The following ATAD3A variants were observed in gnomAD, a reference collection of about 807,000 sequenced individuals.
ATAD3A encodes the protein ATPase family AAA domain-containing protein 3A.
ATAD3A carries 46 observed loss-of-function variants against 73.8 expected under a neutral mutation model. The observed-to-expected ratio is 0.62, with a 90% confidence interval of 0.49 to 0.80. The LOEUF (loss-of-function observed/expected upper bound fraction) is 0.80, where lower values mean the gene tolerates loss of function less well. Among genes scored for constraint, ATAD3A ranks in the 30% least tolerant of loss-of-function variants. The pLI is 0.00. For synonymous variants in ATAD3A, 319 were observed against 350.0 expected, an observed-to-expected ratio of 0.91 and a Z score of 0.99; for missense variants, 705 against 838.0, an observed-to-expected ratio of 0.84 and a Z score of 1.96.
At chr1:1,525,590 G>A (rs964491463) in intron 12 of ATAD3A, among the ~76,000 whole-genome samples, 10 of 151,920 alleles carry the variant, frequency 6.6e-5, no homozygotes, top group East Asian at 5.8e-4. Context: ...AATTTTTTGT[G>A]TTTTTAGCAG....
chr1:1,528,518 C>T (rs971597288), intron 14 of ATAD3A, among the ~76,000 whole-genome samples: 1 of 151,922 alleles, frequency 6.6e-6, no homozygotes, highest in African/African-American at 2.4e-5. Flanking sequence ...GTGTGGGGCA[C>T]GGCTCTTGCT....
chr1:1,521,367 C>CT (rs1198662533), intron 7 of ATAD3A, among the ~76,000 whole-genome samples: 1 of 143,550 alleles, frequency 7.0e-6, no homozygotes, highest in Non-Finnish European at 1.5e-5. Flanking sequence ...CAAAAACCTT[C>CT]TTTATTCCTT....
intron 15 of ATAD3A, 69 bp downstream of exon 15, chr1:1,529,400 G>C (rs1227667183): frequency 6.6e-7 from 1 of 1,508,206 alleles, no homozygotes; most frequent in Non-Finnish European, 8.9e-7. Flanking sequence ...AGTTGCGCCA[G>C]GCCTGTCCCA....
intron 15 of ATAD3A, among the ~76,000 whole-genome samples, chr1:1,531,306 C>T (rs1642024706): frequency 6.6e-6 from 1 of 151,812 alleles, no homozygotes; most frequent in Non-Finnish European, 1.5e-5. Flanking sequence ...CAAAAATTAG[C>T]TGGGTGTGGT....
rs1037078185 is a variant in ATAD3A, at chr1:1,534,268, A to G, written c.*196A>G. The G allele has an allele frequency of 2.5e-5, 37 of 1,461,120 alleles. No homozygotes were observed. Among genetic ancestry groups the G allele is most frequent in the Non-Finnish European group, 3.3e-5 (37 of 1,115,600 alleles). The allele number at this position is 1,461,120 out of a possible 1,614,324, so 90.5% of individuals were successfully genotyped here. ...GCACCCCCTGTTGTAGGCACTGGCT[A>G]GGGAGGGGCAGGCCTCCTTCCTGCC... On this transcript the variant is annotated 3_prime_UTR_variant, in exon 16 of 16. Transcript: ENST00000378756.
At chr1:1,512,796 T>G in intron 1 of ATAD3A, 3 of 1,056,580 alleles carry the variant, frequency 2.8e-6, no homozygotes, top group Non-Finnish European at 3.5e-6. Context: ...CTTCTGCGCT[T>G]GCCGCCTCCA....
rs377270356 is a variant in ATAD3A, at chr1:1,520,504, G to A, written c.681-44G>A. 206 of 1,613,968 alleles carry A rather than the reference G, an allele frequency of 1.3e-4. No homozygotes were observed. In the Middle Eastern group the frequency reaches 1.5e-3, roughly 12 times the overall value. On this transcript the variant is annotated intron_variant, in intron 6 of 15. Transcript: ENST00000378756. This position sits in a 1 kb window ranked among gnomAD's most constrained non-coding sequence, Gnocchi z 4.0. Reference sequence around the variant, plus strand: ...TCAACCTGCTCTCGCTGCGTGGCACGGATCTTCGTGTCCTTCCTGGTCACA... The same window carrying A: ...TCAACCTGCTCTCGCTGCGTGGCACAGATCTTCGTGTCCTTCCTGGTCACA...
chr1:1,521,317 A>T (rs960158065), intron 7 of ATAD3A, among the ~76,000 whole-genome samples: 1 of 150,940 alleles, frequency 6.6e-6, no homozygotes, highest in South Asian at 2.1e-4. Flanking sequence ...AAAAAAAAAA[A>T]AAAAAAAAAA....
Position 1,520,586 on chromosome 1 carries a change from TTG to T in ATAD3A, c.722_723del (p.Val241AspfsTer54), listed in dbSNP as rs1354705861. 1.2e-6 allele frequency: 2 copies of T among 1,613,692 alleles called. No individual in the cohort carries two copies. Among genetic ancestry groups the T allele is most frequent in the Non-Finnish European group, 1.7e-6 (2 of 1,179,898 alleles). On this transcript the variant is annotated frameshift_variant, in exon 7 of 16. Coordinates refer to ENST00000378756, the MANE Select transcript of ATAD3A (RefSeq NM_001170535.3). LOFTEE classifies it high-confidence loss of function. This position sits in a 1 kb window ranked among gnomAD's most constrained non-coding sequence, Gnocchi z 4.0. ...TTGTTTGGGGAAGGATTCCGTGCCTTTGTGACAGACTGGGACAAAGTGACAGC... is the reference window on the plus strand; with the variant it reads ...TTGTTTGGGGAAGGATTCCGTGCCTTTGACAGACTGGGACAAAGTGACAGC...
chr1:1,523,790 CTT>C lies in ATAD3A; in HGVS notation c.964-48_964-47del. The C allele has an allele frequency of 6.2e-7, 1 of 1,612,400 alleles. No homozygotes were observed. The highest frequency in any genetic ancestry group is 8.5e-7 in the Non-Finnish European group (1 of 1,179,314). On this transcript the variant is annotated intron_variant, in intron 9 of 15. Coordinates refer to ENST00000378756, the MANE Select transcript of ATAD3A (RefSeq NM_001170535.3). The surrounding 1 kb of genome is among the most constrained non-coding windows in gnomAD (Gnocchi z 5.1). ...ATTCCCGCAGCCCCTTCCCCTGAGG[CTT>C]CCATGGGTGCACAGTGTCTCCTCCA... is the stretch of plus-strand genomic sequence containing the variant.
chr1:1,531,936 C>T (rs773306968), intron 15 of ATAD3A, among the ~76,000 whole-genome samples: 26 of 151,866 alleles, frequency 1.7e-4, no homozygotes, highest in Non-Finnish European at 3.1e-4. Flanking sequence ...CAGGTGTGAG[C>T]CACCATGCAC....
chr1:1,527,439 T>A (rs1298321614), intron 13 of ATAD3A, among the ~76,000 whole-genome samples: 1 of 151,638 alleles, frequency 6.6e-6, no homozygotes, highest in East Asian at 1.9e-4. Flanking sequence ...CAGGAGAGAG[T>A]GGTGTTCCCG....
chr1:1,528,004 G>A, intron 14 of ATAD3A, 142 bp downstream of exon 14: 2 of 1,089,896 alleles, frequency 1.8e-6, no homozygotes. Context: ...TTGTCGCCCA[G>A]GCTGGAGTGC....
At chr1:1,533,377 C>T (rs1053963224) in intron 15 of ATAD3A, among the ~76,000 whole-genome samples, 1 of 152,230 alleles carries the variant, frequency 6.6e-6, no homozygotes, top group African/African-American at 2.4e-5. Context: ...TGCCTGAAGC[C>T]ACACCAAGGG....
chr1:1,516,758 T>G (rs1330538566), intron 2 of ATAD3A, among the ~76,000 whole-genome samples: 1 of 151,708 alleles, frequency 6.6e-6, no homozygotes. Context: ...TAGTCTGTCT[T>G]CCAGGCCGGT....
In ATAD3A at chr1:1,516,037, G is replaced by C. The variant is rs1421005316; in HGVS notation, c.231G>C (p.Leu77=). The C allele has an allele frequency of 9.9e-6, 16 of 1,613,960 alleles. No individual in the cohort carries two copies. The change falls in exon 2 of 16, where the codon CTG becomes CTC. Residue 77 remains leucine (L), a synonymous_variant. Transcript: ENST00000378756. ...GTTATGCCAAGGACGCCCTGAATCTGGCACAGATGCAGGAGCAGACGCTGC... is the reference window on the plus strand; with the variant it reads ...GTTATGCCAAGGACGCCCTGAATCTCGCACAGATGCAGGAGCAGACGCTGC... ...HSRYAKDALN[L]AQMQEQTLQL...
intron 7 of ATAD3A, among the ~76,000 whole-genome samples, chr1:1,521,363 C>T (rs920246009): frequency 2.1e-5 from 3 of 142,142 alleles, no homozygotes; most frequent in Non-Finnish European, 4.6e-5. Flanking sequence ...TTTGCAAAAA[C>T]CTTCTTTATT....
chr1:1,527,201 C>T (rs537172213), intron 13 of ATAD3A: 14 of 1,302,770 alleles, frequency 1.1e-5, no homozygotes, highest in African/African-American at 7.6e-5. Context: ...TCCTGCTGGT[C>T]GGCCGTGGCT....
chr1:1,531,691 T>TG (rs1355344049), intron 15 of ATAD3A, among the ~76,000 whole-genome samples: 1 of 150,836 alleles, frequency 6.6e-6, no homozygotes, highest in East Asian at 2.0e-4. Context: ...GGCAGGAGAA[T>TG]GGCATGAACC....
Sources: allele counts gnomAD v4.1 joint callset (sites outside exome capture counted in the v4.1 genomes callset), GRCh38; gene constraint gnomAD v4.1.1; non-coding constraint Gnocchi (gnomAD v3.1); transcripts MANE v1.5; gene names NCBI Gene and HGNC (gene_info 2026-07-23, HGNC 2026-07-21).